Variants in ATAD2 observed in about 807,000 individuals in gnomAD.
ATAD2 encodes the protein ATPase family AAA domain-containing protein 2.
A neutral mutation model predicts 168.9 loss-of-function variants in ATAD2; 62 were observed. The ratio of observed to expected loss-of-function variants is 0.37; its 90% CI spans 0.30 to 0.45. ATAD2 has a LOEUF of 0.45. ATAD2 is among the 20% of genes least tolerant of loss of function. The probability of loss-of-function intolerance (pLI) is 1.00; values close to 1 mark genes in which losing one functional copy is unlikely to be tolerated. For synonymous variants in ATAD2, 613 were observed against 571.6 expected (o/e 1.07, Z -1.03); for missense variants, 1,419 against 1,667.8 (o/e 0.85, Z 2.60).
intron 1 of ATAD2, among the ~76,000 whole-genome samples, chr8:123,387,869 T>TG (rs148539324): frequency 1.3e-5 from 2 of 152,098 alleles, no homozygotes; most frequent in African/African-American, 2.4e-5. Context: ...AAAGCATGTT[T>TG]GGGGGGGAGG....
chr8:123,394,617 AGAGTGAGACTCTGTCTC>A (rs1316262707), intron 1 of ATAD2, among the ~76,000 whole-genome samples: 1 of 152,112 alleles, frequency 6.6e-6, no homozygotes, highest in Non-Finnish European at 1.5e-5. Flanking sequence ...CCTGGATGAG[AGAGTGAGACTCTGTCTC>A]GAAGAAAAAA....
At chr8:123,338,336 C>G (rs1827973735) in intron 20 of ATAD2, among the ~76,000 whole-genome samples, 1 of 145,006 alleles carries the variant, frequency 6.9e-6, no homozygotes, top group Admixed American at 7.1e-5. Context: ...GCCTGGGTGA[C>G]AGAGAGAGAC....
rs756268019 is a variant in ATAD2 at position 123,328,307 on chromosome 8, C to T, written c.3751G>A (p.Glu1251Lys). The T allele has an allele frequency of 2.6e-5, 41 of 1,605,620 alleles. No homozygotes were observed. In the Admixed American group the frequency reaches 6.8e-4, roughly 27 times the overall value. ...GTAGTCTTCCTAGAGTCTTCAAGCT[C>T]ATTCTCTATATTACAAGTATTTGAA... ...NNSNTCNIENELEDSRKTTAC... is the reference protein window; with the variant it reads ...NNSNTCNIENKLEDSRKTTAC... Residue 1251 changes from glutamate (E) to lysine (K), a missense_variant, in exon 25 of 28, where the codon GAG becomes AAG. Coordinates refer to ENST00000287394, the MANE Select transcript of ATAD2 (RefSeq NM_014109.4).
At chr8:123,382,889 T>C (rs1332746457) in intron 1 of ATAD2, among the ~76,000 whole-genome samples, 1 of 152,186 alleles carries the variant, frequency 6.6e-6, no homozygotes, top group African/African-American at 2.4e-5. Flanking sequence ...TAAAAACACA[T>C]GCACACACAT....
At chr8:123,382,407 T>C (rs866691424) in intron 1 of ATAD2, among the ~76,000 whole-genome samples, 28 of 152,172 alleles carry the variant, frequency 1.8e-4, no homozygotes, top group African/African-American at 6.3e-4. Flanking sequence ...TTGAGGATGT[T>C]TGAAAAAAGA....
Position 123,336,466 on chromosome 8 carries a change from G to C in ATAD2, c.3118C>G (p.Leu1040Val). The C allele has an allele frequency of 6.4e-7, 1 of 1,573,056 alleles. No individual in the cohort carries two copies. Among genetic ancestry groups the C allele is most frequent in the African/African-American group, 1.4e-5 (1 of 72,526 alleles). The change falls in exon 22 of 28, where the codon CTA (leucine) becomes GTA (valine). Residue 1040 changes from leucine (L) to valine (V), a missense_variant. Leu to Val is a conservative substitution (Grantham distance 32, BLOSUM62 1). Around this residue, in one of 5 missense-constraint regions of ATAD2, gnomAD observed 545 missense variants for 724.9 expected, o/e 0.75. Coordinates refer to ENST00000287394, the MANE Select transcript of ATAD2 (RefSeq NM_014109.4). ...TCTTTCACAGTCAGATACTTGTGTAGATCAATTTTACTGATTACAGATGAA... is the reference window on the plus strand; with the variant it reads ...TCTTTCACAGTCAGATACTTGTGTACATCAATTTTACTGATTACAGATGAA... ...DLSSVISKID[L>V]HKYLTVKDYL... is the part of the protein sequence containing the mutation.
At chr8:123,404,673 T>C (rs1004970810) in intron 1 of ATAD2, among the ~76,000 whole-genome samples, 6 of 151,632 alleles carry the variant, frequency 4.0e-5, no homozygotes, top group African/African-American at 1.4e-4. Context: ...TTCAAGTGAT[T>C]CTCCTGCCTC....
At chr8:123,355,103 A>G (rs544491004) in intron 13 of ATAD2, among the ~76,000 whole-genome samples, 2 of 151,972 alleles carry the variant, frequency 1.3e-5, no homozygotes, top group East Asian at 3.9e-4. Flanking sequence ...TCTGATTACT[A>G]ATAGGACATG....
At chr8:123,337,919 T>C in intron 20 of ATAD2, 98 bp from the exon 21 acceptor site, 1 of 1,119,720 alleles carries the variant, frequency 8.9e-7, no homozygotes, top group Non-Finnish European at 1.2e-6. Context: ...GGGATTATCT[T>C]CCTCATATAT....
At chr8:123,394,090 T>C (rs1812718940) in intron 1 of ATAD2, among the ~76,000 whole-genome samples, 1 of 151,328 alleles carries the variant, frequency 6.6e-6, no homozygotes, top group African/African-American at 2.4e-5. Context: ...TTTTTTTTCC[T>C]GAGGAACTGA....
intron 9 of ATAD2, 27 bp from the exon 10 acceptor site, chr8:123,359,712 C>G (rs747203775): frequency 6.6e-7 from 1 of 1,520,126 alleles, no homozygotes; most frequent in Admixed American, 1.8e-5. Flanking sequence ...TTTAAAACCA[C>G]ACAAACCCAT....
intron 18 of ATAD2, among the ~76,000 whole-genome samples, chr8:123,345,418 T>C (rs909130366): frequency 6.6e-6 from 1 of 151,714 alleles, no homozygotes; most frequent in African/African-American, 2.4e-5. Context: ...TCCACGCACT[T>C]TGGGAGGCCA....
At chr8:123,387,870 G>A (rs956940884) in intron 1 of ATAD2, among the ~76,000 whole-genome samples, 6 of 152,170 alleles carry the variant, frequency 3.9e-5, no homozygotes, top group Non-Finnish European at 7.4e-5. Context: ...AAGCATGTTT[G>A]GGGGGGAGGT....
chr8:123,347,769 A>G (rs910079504), intron 15 of ATAD2, among the ~76,000 whole-genome samples: 1 of 152,196 alleles, frequency 6.6e-6, no homozygotes, highest in African/African-American at 2.4e-5. Context: ...ATCTGTAGAG[A>G]TACTGCTACC....
At chr8:123,410,863 C>T (rs1813144515) in intron 1 of ATAD2, among the ~76,000 whole-genome samples, 1 of 152,244 alleles carries the variant, frequency 6.6e-6, no homozygotes, top group Admixed American at 6.5e-5. Context: ...GCGAGGCGCC[C>T]ATTGCCGCTC....
chr8:123,408,288 C>T (rs996621375), intron 1 of ATAD2, among the ~76,000 whole-genome samples: 2 of 152,194 alleles, frequency 1.3e-5, no homozygotes, highest in African/African-American at 4.8e-5. Context: ...GGCCCAGCCT[C>T]CTTCTGTGGA....
intron 26 of ATAD2, among the ~76,000 whole-genome samples, chr8:123,323,596 T>TATG (rs1229000145): frequency 1.3e-5 from 2 of 152,162 alleles, no homozygotes; most frequent in African/African-American, 4.8e-5. Context: ...CCTACCAGAA[T>TATG]ATGCTGCCAT....
At chr8:123,329,492 G>A (rs7007690) in intron 24 of ATAD2, among the ~76,000 whole-genome samples, 3,522 of 152,082 alleles carry the variant, frequency 0.023, 142 homozygotes, top group African/African-American at 0.081. Context: ...GCTGGGCGCG[G>A]TGGCTCACGC....
At chr8:123,361,428 G>T in intron 9 of ATAD2, 111 bp downstream of exon 9, 1 of 726,578 alleles carries the variant, frequency 1.4e-6, no homozygotes, top group Non-Finnish European at 2.4e-6. Context: ...TTAACCTGTT[G>T]TGCAACTTTT....
Sources: gnomAD v4.1 joint callset for allele counts (sites outside exome capture counted in the v4.1 genomes callset) on GRCh38, gnomAD v4.1.1 for gene constraint, gnomAD v4.1.1 regional missense constraint, MANE v1.5 for transcripts, NCBI Gene and HGNC (gene_info 2026-07-23, HGNC 2026-07-21) for gene names.